Variants in SSX2IP observed in about 807,000 individuals in gnomAD.
SSX2IP encodes the protein afadin- and alpha-actinin-binding protein.
Under a neutral mutation model 84.9 loss-of-function variants are expected in SSX2IP, and 55 were observed. The ratio of observed to expected loss-of-function variants is 0.65; its 90% CI spans 0.52 to 0.81. The LOEUF is 0.81. Ranked by LOEUF, SSX2IP falls within the 30% of genes least tolerant of loss-of-function variation. The pLI, the probability that SSX2IP is intolerant of heterozygous loss-of-function variation, is 0.00. For synonymous variants in SSX2IP, 239 were observed against 234.7 expected (o/e 1.02, Z -0.17); for missense variants, 664 against 705.2 (o/e 0.94, Z 0.66).
At chr1:84,667,132 G>C (rs1433991641) in intron 4 of SSX2IP, among the ~76,000 whole-genome samples, 2 of 152,040 alleles carry the variant, frequency 1.3e-5, no homozygotes, top group African/African-American at 4.8e-5. Context: ...CACTAGGCCA[G>C]GTGATATGTA....
At chr1:84,655,296 T>G in intron 11 of SSX2IP, 1 of 1,058,932 alleles carries the variant, frequency 9.4e-7, no homozygotes, top group Non-Finnish European at 1.2e-6. Flanking sequence ...CTTTTTTTAA[T>G]GAGTTTTGTT....
In SSX2IP at chr1:84,647,404, A is replaced by G. The variant is rs377127620; in HGVS notation, c.*29T>C. ...CTTAGATGTGAAACTTGATGAACAC[A>G]TTAATGAAAAAAATTCCAGTCCACA... On this transcript the variant is annotated 3_prime_UTR_variant, in exon 14 of 14. Transcript: ENST00000342203. The G allele has an allele frequency of 7.3e-5, 112 of 1,535,766 alleles. No individual in the cohort carries two copies. The highest frequency in any genetic ancestry group is 9.3e-5 in the Non-Finnish European group (106 of 1,139,862).
chr1:84,676,367 A>G (rs1315819249), intron 1 of SSX2IP, among the ~76,000 whole-genome samples: 1 of 152,228 alleles, frequency 6.6e-6, no homozygotes, highest in Non-Finnish European at 1.5e-5. Context: ...TTTATACTGT[A>G]ATAGAAAATC....
At chr1:84,689,167 C>G (rs1355715638) in intron 1 of SSX2IP, among the ~76,000 whole-genome samples, 1 of 152,212 alleles carries the variant, frequency 6.6e-6, no homozygotes, top group Non-Finnish European at 1.5e-5. Flanking sequence ...CCTCTAACTT[C>G]TAAATTTCAA....
rs866195130 is a variant in SSX2IP, at chr1:84,672,655, G to A, written c.-89-1347C>T. Among the ~76,000 whole-genome samples the A allele has an allele frequency of 3.3e-5, 5 of 152,270 alleles. No individual in the cohort carries two copies. In the South Asian group the frequency reaches 1.0e-3, roughly 32 times the overall value. On this transcript the variant is annotated intron_variant, in intron 1 of 13. Transcript: ENST00000342203. Reference sequence around the variant, plus strand: ...TAAAATGTGTCTTTAGGCCAGATCTGGACTGTGGATCAAGAGTTCACAACC... The same window carrying A: ...TAAAATGTGTCTTTAGGCCAGATCTAGACTGTGGATCAAGAGTTCACAACC...
intron 1 of SSX2IP, among the ~76,000 whole-genome samples, chr1:84,687,495 G>A (rs1159468753): frequency 1.3e-5 from 2 of 152,110 alleles, no homozygotes; most frequent in Admixed American, 6.5e-5. Context: ...AAATGGGGAA[G>A]TATCTTATTT....
chr1:84,657,027 T>C (rs1331861266), intron 9 of SSX2IP, among the ~76,000 whole-genome samples: 1 of 152,200 alleles, frequency 6.6e-6, no homozygotes. Context: ...TGTAGATTCA[T>C]TTTGGTGCTG....
intron 1 of SSX2IP, among the ~76,000 whole-genome samples, chr1:84,677,018 T>C (rs1279750958): frequency 6.6e-6 from 1 of 152,196 alleles, no homozygotes; most frequent in African/African-American, 2.4e-5. Flanking sequence ...CCCAGTCAAC[T>C]CTGTGCTCTT....
intron 11 of SSX2IP, among the ~76,000 whole-genome samples, chr1:84,653,657 C>T (rs1650655996): frequency 6.6e-6 from 1 of 152,188 alleles, no homozygotes; most frequent in Admixed American, 6.5e-5. Context: ...ACTGATGAAA[C>T]AGACGTTCAC....
chr1:84,675,307 C>A (rs2102487814), intron 1 of SSX2IP, among the ~76,000 whole-genome samples: 1 of 152,234 alleles, frequency 6.6e-6, no homozygotes, highest in African/African-American at 2.4e-5. Context: ...ACCATAGTTA[C>A]CTTAGGAGAA....
chr1:84,662,846 C>A (rs1346916102), intron 6 of SSX2IP, among the ~76,000 whole-genome samples: 1 of 152,130 alleles, frequency 6.6e-6, no homozygotes, highest in Non-Finnish European at 1.5e-5. Context: ...ATCTGGCGCA[C>A]AGTAAGTACT....
intron 13 of SSX2IP, among the ~76,000 whole-genome samples, chr1:84,649,254 T>C (rs1649883928): frequency 6.6e-6 from 1 of 152,196 alleles, no homozygotes; most frequent in East Asian, 1.9e-4. Context: ...ATCCTCTCTG[T>C]ATATTTGAAC....
intron 6 of SSX2IP, among the ~76,000 whole-genome samples, chr1:84,663,565 TC>T (rs2102346595): frequency 6.6e-6 from 1 of 152,338 alleles, no homozygotes; most frequent in African/African-American, 2.4e-5. Context: ...CTCCAACAGC[TC>T]TGCTGCAGAA....
intron 10 of SSX2IP, among the ~76,000 whole-genome samples, 166 bp downstream of exon 10, chr1:84,656,182 T>C (rs907477434): frequency 2.6e-5 from 4 of 152,172 alleles, no homozygotes; most frequent in South Asian, 2.1e-4. Context: ...TAGCAAAGTA[T>C]GGACTATTTA....
intron 1 of SSX2IP, among the ~76,000 whole-genome samples, chr1:84,681,163 A>G (rs1226731409): frequency 1.3e-5 from 2 of 152,316 alleles, no homozygotes; most frequent in South Asian, 2.1e-4. Flanking sequence ...ACAGTATACA[A>G]ATATTTGAAA....
intron 9 of SSX2IP, 105 bp downstream of exon 9, chr1:84,658,208 GAAGTA>G: frequency 3.5e-6 from 4 of 1,154,842 alleles, no homozygotes; most frequent in Non-Finnish European, 4.9e-6. Context: ...CCACCAAACT[GAAGTA>G]TAGTACTTTA....
Position 84,647,562 on chromosome 1 carries a change from A to G in SSX2IP, c.1716T>C (p.Asn572=). The change falls in exon 14 of 14, where the codon AAT becomes AAC. Residue 572 remains asparagine (N), a synonymous_variant. Transcript: ENST00000342203. The part of the protein sequence containing the change: ...LNITAEEIKP[N]QVGGECTNQK... ...GATTTGTACATTCTCCTCCAACCTG[A>G]TTTGGTTTAATTTCTTCAGCAGTTA... 1 of 1,611,786 alleles carries G rather than the reference A, an allele frequency of 6.2e-7. No individual in the cohort carries two copies. Among genetic ancestry groups the G allele is most frequent in the Non-Finnish European group, 8.5e-7 (1 of 1,178,842 alleles).
chr1:84,650,906 T>C (rs1213724019), intron 12 of SSX2IP, among the ~76,000 whole-genome samples: 1 of 152,048 alleles, frequency 6.6e-6, no homozygotes, highest in Non-Finnish European at 1.5e-5. Context: ...GGGGTTTCAC[T>C]GTGTTAGCCA....
At position 84,676,719 on chromosome 1, in the gene SSX2IP, C is replaced by CTT. The variant is rs61017474; in HGVS notation, c.-89-5413_-89-5412dup. Among the ~76,000 whole-genome samples the CTT allele has an allele frequency of 8.9e-3, 885 of 99,448 alleles. 47 individuals are homozygous for CTT. Among genetic ancestry groups the CTT allele is most frequent in the African/African-American group, 0.025 (666 of 26,152 alleles). 65.2% of individuals were successfully genotyped at this position (99,448 alleles called of 152,430 possible). A position where few individuals can be genotyped will look rare whatever the true frequency, so the allele number is the denominator to read the frequency against. ...GATTTCAAGACTCTGTGCTCTTTTC[C>CTT]TTTTTTTTTTTTTTTTTTTTTGAAA... is the stretch of plus-strand genomic sequence containing the variant. On this transcript the variant is annotated intron_variant, in intron 1 of 13. Coordinates refer to ENST00000342203, the MANE Select transcript of SSX2IP (RefSeq NM_001166293.2).
Sources: gnomAD v4.1 joint callset for allele counts (sites outside exome capture counted in the v4.1 genomes callset) on GRCh38, gnomAD v4.1.1 for gene constraint, MANE v1.5 for transcripts, NCBI Gene and HGNC (gene_info 2026-07-23, HGNC 2026-07-21) for gene names.